The following SRGAP2 variants were observed in gnomAD, a reference collection of about 807,000 sequenced individuals.
SRGAP2 encodes the protein SLIT-ROBO Rho GTPase activating protein 2.
SRGAP2 carries 15 observed loss-of-function variants against 57.2 expected under a neutral mutation model. The ratio of observed to expected loss-of-function variants is 0.26; its 90% confidence interval spans 0.18 to 0.40. SRGAP2 has a LOEUF of 0.40. Ranked by LOEUF, SRGAP2 falls within the 10% of genes least tolerant of loss-of-function variation. SRGAP2 has a pLI of 1.00. For synonymous variants in SRGAP2, 249 were observed against 248.0 expected (o/e 1.00, Z -0.04); for missense variants, 520 against 669.6 (o/e 0.78, Z 2.47).
chr1:206,221,336 C>T (rs1445116991), intron 2 of SRGAP2, among the ~76,000 whole-genome samples: 2 of 151,182 alleles, frequency 1.3e-5, no homozygotes, highest in African/African-American at 2.4e-5. Context: ...TGTCTTAGTC[C>T]GTTTTCTGTT....
chr1:206,312,879 T>C (rs1257880119), intron 3 of SRGAP2, among the ~76,000 whole-genome samples: 3 of 152,138 alleles, frequency 2.0e-5, no homozygotes, highest in African/African-American at 7.2e-5. Context: ...TTGCTGAGCC[T>C]TTGATTGTCT....
chr1:206,451,265 T>C (rs1663276104), intron 19 of SRGAP2, among the ~76,000 whole-genome samples: 1 of 152,092 alleles, frequency 6.6e-6, no homozygotes, highest in Non-Finnish European at 1.5e-5. Context: ...AAACTGACCC[T>C]TTCCAAAGTA....
At chr1:206,331,354 G>T (rs1674338562) in intron 3 of SRGAP2, among the ~76,000 whole-genome samples, 1 of 41,340 alleles carries the variant, frequency 2.4e-5, no homozygotes, top group Non-Finnish European at 4.5e-5. Flanking sequence ...TTCAATTCCT[G>T]GGTATCCTTG....
rs1664414271 is a variant in SRGAP2, at chr1:206,463,916, T to C, written c.*2496T>C. ...GGAGACCAGCCTTCCTCAGCTATGCTTGCCGAAACCAGCATGATGCTTCAA... is the reference window on the plus strand; with the variant it reads ...GGAGACCAGCCTTCCTCAGCTATGCCTGCCGAAACCAGCATGATGCTTCAA... On this transcript the variant is annotated 3_prime_UTR_variant, in exon 23 of 23. Transcript: ENST00000573034. The C allele has an allele frequency of 6.5e-6, 1 of 152,712 alleles. No homozygotes were observed. Among genetic ancestry groups the C allele is most frequent in the Non-Finnish European group, 1.5e-5 (1 of 68,086 alleles). The allele number at this position is 152,712 out of a possible 1,614,324, so 9.5% of individuals were successfully genotyped here. A position where few individuals can be genotyped will look rare whatever the true frequency, so the allele number is the denominator to read the frequency against.
intron 18 of SRGAP2, among the ~76,000 whole-genome samples, chr1:206,447,047 A>G (rs1381383817): frequency 5.3e-5 from 8 of 152,056 alleles, no homozygotes; most frequent in Admixed American, 4.6e-4. Context: ...TTTAACCCCA[A>G]TCTCATCTCT....
chr1:206,447,438 T>G (rs1462267480), intron 18 of SRGAP2, among the ~76,000 whole-genome samples: 1 of 152,216 alleles, frequency 6.6e-6, no homozygotes, highest in Admixed American at 6.5e-5. Flanking sequence ...TTCTGTGAAC[T>G]TAGTAATACC....
intron 3 of SRGAP2, among the ~76,000 whole-genome samples, chr1:206,338,996 G>C (rs1553334417): frequency 6.6e-6 from 1 of 151,626 alleles, no homozygotes; most frequent in Admixed American, 6.6e-5. Flanking sequence ...ATCAGTTATA[G>C]TTTGATATTC....
At chr1:206,279,068 A>G (rs1670576938) in intron 2 of SRGAP2, among the ~76,000 whole-genome samples, 1 of 111,010 alleles carries the variant, frequency 9.0e-6, no homozygotes, top group Non-Finnish European at 1.7e-5. Context: ...ACAACTTTCC[A>G]TCTTTATCGT....
At position 206,453,779 on chromosome 1, in the gene SRGAP2, T is replaced by C. The variant is rs372748801; in HGVS notation, c.2360+399T>C. The C allele has an allele frequency of 1.1e-5, 3 of 273,964 alleles. 1 individual carries two copies. Among genetic ancestry groups the C allele is most frequent in the Non-Finnish European group, 2.0e-5 (3 of 148,360 alleles). 17.0% of individuals were successfully genotyped at this position (273,964 alleles called of 1,614,324 possible). On this transcript the variant is annotated intron_variant, in intron 20 of 22. Coordinates refer to ENST00000573034, the MANE Select transcript of SRGAP2 (RefSeq NM_015326.5). ...ACTCTCTTTTTTTTTTAAACAACTA[T>C]GCTCACCCCAACCTGTTGAGCCACT...
intron 5 of SRGAP2, among the ~76,000 whole-genome samples, chr1:206,386,361 C>A (rs1290781470): frequency 3.4e-5 from 5 of 149,170 alleles, no homozygotes; most frequent in Non-Finnish European, 1.5e-5. Context: ...TTGAGGGATA[C>A]CCCAAACCTC....
At chr1:206,306,414 T>C (rs1471276460) in intron 3 of SRGAP2, among the ~76,000 whole-genome samples, 1 of 152,124 alleles carries the variant, frequency 6.6e-6, no homozygotes, top group Non-Finnish European at 1.5e-5. Context: ...GTGGCCTCGC[T>C]GGGCTCAGGA....
At chr1:206,268,359 T>C (rs1553315258) in intron 2 of SRGAP2, among the ~76,000 whole-genome samples, 1 of 148,040 alleles carries the variant, frequency 6.8e-6, no homozygotes, top group Non-Finnish European at 1.5e-5. Flanking sequence ...TTCCTTGCGA[T>C]AGTTTGCTCA....
At chr1:206,241,874 T>A (rs552378283) in intron 2 of SRGAP2, among the ~76,000 whole-genome samples, 126 of 151,314 alleles carry the variant, frequency 8.3e-4, no homozygotes, top group Admixed American at 1.3e-3. Context: ...AAATTACTTT[T>A]TTATTATTAT....
At chr1:206,437,795 T>G (rs1661902382) in intron 15 of SRGAP2, 169 bp from the exon 16 acceptor site, 1 of 612,050 alleles carries the variant, frequency 1.6e-6, no homozygotes, top group Non-Finnish European at 2.9e-6. Context: ...AATGGAGCAG[T>G]CTTTGCTTTA....
At position 206,446,324 on chromosome 1, in the gene SRGAP2, G is replaced by A. The variant is rs781911042; in HGVS notation, c.2099+25G>A. On this transcript the variant is annotated intron_variant, in intron 18 of 22. Coordinates refer to ENST00000573034, the MANE Select transcript of SRGAP2 (RefSeq NM_015326.5). The stretch of plus-strand genomic sequence containing the variant: ...GGTAGGGGGGCTTGGGACGGGAGGA[G>A]GGGAGGGATTCACTAGCACACACTG... 5.1e-6 allele frequency: 4 copies of A among 779,800 alleles called. 1 individual carries two copies. The South Asian group carries it at 5.4e-5, about 10-fold the overall frequency. 48.3% of individuals were successfully genotyped at this position (779,800 alleles called of 1,614,324 possible).
intron 3 of SRGAP2, among the ~76,000 whole-genome samples, chr1:206,337,030 G>T (rs1674826789): frequency 1.4e-5 from 2 of 141,104 alleles, no homozygotes; most frequent in East Asian, 3.9e-4. Context: ...ATTATATTCT[G>T]CTTAGATGTA....
intron 13 of SRGAP2, among the ~76,000 whole-genome samples, chr1:206,427,955 G>A (rs1389928554): frequency 1.3e-5 from 2 of 152,024 alleles, no homozygotes; most frequent in Non-Finnish European, 1.5e-5. Flanking sequence ...AAATAAAAAC[G>A]TGCTGGGTGT....
chr1:206,366,276 C>T (rs529120718), intron 4 of SRGAP2, among the ~76,000 whole-genome samples: 97 of 152,312 alleles, frequency 6.4e-4, no homozygotes, highest in Admixed American at 1.7e-3. Flanking sequence ...CTGCAAAGCC[C>T]TAATGCCAGG....
chr1:206,371,592 A>C (rs1553342630), intron 4 of SRGAP2, among the ~76,000 whole-genome samples: 1 of 151,466 alleles, frequency 6.6e-6, no homozygotes, highest in Non-Finnish European at 1.5e-5. Context: ...TTAGCCAGGC[A>C]TAGTGGCGGG....
Sources: gnomAD v4.1 joint callset for allele counts (sites outside exome capture counted in the v4.1 genomes callset) on GRCh38, gnomAD v4.1.1 for gene constraint, MANE v1.5 for transcripts, NCBI Gene and HGNC (gene_info 2026-07-23, HGNC 2026-07-21) for gene names.